MAMDC2: variants seen among roughly 807,000 people sequenced by gnomAD.
The protein encoded by MAMDC2 is MAM domain containing 2.
A neutral mutation model predicts 89.8 loss-of-function variants in MAMDC2; 57 were observed. The observed-to-expected ratio is 0.63, with a 90% CI of 0.51 to 0.79. The LOEUF is 0.79. Among genes scored for constraint, MAMDC2 ranks in the 30% least tolerant of loss-of-function variants. The pLI is 0.00. For missense variants in MAMDC2, 800 were observed against 820.6 expected (o/e 0.97, Z 0.31); for synonymous variants, 313 against 293.4 (o/e 1.07, Z -0.68).
chr9:70,049,609 T>C (rs1587423607), intron 2 of MAMDC2, among the ~76,000 whole-genome samples: 1 of 152,312 alleles, frequency 6.6e-6, no homozygotes, highest in South Asian at 2.1e-4. Context: ...TCCTGCATTA[T>C]GTCTGCAGGT....
Sources: allele counts gnomAD v4.1 joint callset (sites outside exome capture counted in the v4.1 genomes callset), GRCh38; gene constraint gnomAD v4.1.1; transcripts MANE v1.5; gene names NCBI Gene and HGNC (gene_info 2026-07-23, HGNC 2026-07-21).